The following RANBP17 variants were observed in gnomAD, a reference collection of about 807,000 sequenced individuals.
RANBP17 encodes the protein ran-binding protein 17.
In RANBP17, 158 loss-of-function variants were observed where a neutral mutation model predicts 141.2. That is an observed-to-expected ratio of 1.12 (90% CI 0.98 to 1.28). RANBP17 has a LOEUF of 1.28. Ranked by LOEUF, RANBP17 falls within the 50% of genes most tolerant of loss-of-function variation. RANBP17 has a pLI of 0.00. For synonymous variants in RANBP17, 430 were observed against 450.0 expected (o/e 0.96, Z 0.56); for missense variants, 1,438 against 1,290.7 (o/e 1.11, Z -1.75).
chr5:170,975,326 C>T (rs943190822), intron 14 of RANBP17, among the ~76,000 whole-genome samples: 13 of 151,984 alleles, frequency 8.6e-5, no homozygotes, highest in African/African-American at 1.9e-4. Context: ...GTCAGGAGTT[C>T]GAGACCAGCC....
At chr5:170,934,811 T>G (rs1314180993) in intron 12 of RANBP17, among the ~76,000 whole-genome samples, 1 of 152,196 alleles carries the variant, frequency 6.6e-6, no homozygotes, top group Non-Finnish European at 1.5e-5. Flanking sequence ...AGGAGTATCT[T>G]TGTGGCATTC....
At chr5:171,113,576 A>G (rs1755401638) in intron 14 of RANBP17, among the ~76,000 whole-genome samples, 2 of 152,208 alleles carry the variant, frequency 1.3e-5, no homozygotes, top group Non-Finnish European at 2.9e-5. Flanking sequence ...CCTCCAAGGT[A>G]GGTGCTATAA....
intron 18 of RANBP17, among the ~76,000 whole-genome samples, chr5:171,191,573 G>T (rs916942058): frequency 1.3e-5 from 2 of 151,992 alleles, no homozygotes; most frequent in Non-Finnish European, 2.9e-5. Context: ...TGTAGTCCCA[G>T]CTACTCGGGA....
intron 20 of RANBP17, among the ~76,000 whole-genome samples, chr5:171,211,558 G>A (rs533282087): frequency 9.3e-5 from 14 of 151,096 alleles, no homozygotes; most frequent in Admixed American, 2.6e-4. Context: ...CACCATGCCC[G>A]ACTTTCTTTG....
At chr5:170,985,324 C>T (rs1026391467) in intron 14 of RANBP17, among the ~76,000 whole-genome samples, 2 of 152,060 alleles carry the variant, frequency 1.3e-5, no homozygotes, top group East Asian at 1.9e-4. Flanking sequence ...TTAATAAATA[C>T]GTGTTGTTAA....
intron 12 of RANBP17, among the ~76,000 whole-genome samples, chr5:170,938,262 C>G (rs796790697): frequency 3.3e-5 from 5 of 152,260 alleles, no homozygotes; most frequent in African/African-American, 1.2e-4. Context: ...GTTGAACCCT[C>G]AAAAGGGTAT....
chr5:171,115,722 G>A (rs1006825862), intron 14 of RANBP17, among the ~76,000 whole-genome samples: 1 of 152,198 alleles, frequency 6.6e-6, no homozygotes, highest in Non-Finnish European at 1.5e-5. Flanking sequence ...TCACAGGAAA[G>A]GGGAAGTGGG....
chr5:171,252,927 A>T (rs2128005910), intron 24 of RANBP17: 1 of 1,469,124 alleles, frequency 6.8e-7, no homozygotes, highest in Non-Finnish European at 9.5e-7. Flanking sequence ...ACGGGCTGAC[A>T]TCAGATATCT....
chr5:171,119,959 C>T (rs952333275), intron 14 of RANBP17, among the ~76,000 whole-genome samples: 3 of 151,510 alleles, frequency 2.0e-5, no homozygotes, highest in African/African-American at 7.3e-5. Context: ...ATTGCTTGAA[C>T]CCAGGAGGTG....
At chr5:171,098,019 C>G (rs1436849030) in intron 14 of RANBP17, among the ~76,000 whole-genome samples, 1 of 152,048 alleles carries the variant, frequency 6.6e-6, no homozygotes, top group East Asian at 1.9e-4. Flanking sequence ...GCCACATTTG[C>G]TTTATCCAGT....
At chr5:170,877,130 T>G (rs1768247487) in intron 1 of RANBP17, among the ~76,000 whole-genome samples, 1 of 152,168 alleles carries the variant, frequency 6.6e-6, no homozygotes. Flanking sequence ...TTAGTCTTTA[T>G]GCTTGTAAAA....
chr5:170,970,741 T>G (rs2127533748), intron 14 of RANBP17: 1 of 152,270 alleles, frequency 6.6e-6, no homozygotes, highest in South Asian at 2.1e-4. Context: ...TGCCAACTAC[T>G]TATTGTTATC....
chr5:171,243,160 C>T (rs1340595983), intron 24 of RANBP17: 1 of 195,696 alleles, frequency 5.1e-6, no homozygotes, highest in East Asian at 1.5e-4. Flanking sequence ...CCACAAAAAG[C>T]TCCTTTTTTT....
chr5:171,015,937 T>C (rs959177063), intron 14 of RANBP17, among the ~76,000 whole-genome samples: 2 of 152,192 alleles, frequency 1.3e-5, no homozygotes, highest in Non-Finnish European at 2.9e-5. Context: ...TCTTTCCCTC[T>C]GTAACATTGG....
At chr5:170,900,691 C>A (rs1770561169) in intron 5 of RANBP17, among the ~76,000 whole-genome samples, 1 of 152,134 alleles carries the variant, frequency 6.6e-6, no homozygotes, top group African/African-American at 2.4e-5. Flanking sequence ...TTAGCTGTGT[C>A]CCAGAGATTC....
chr5:171,045,098 T>C (rs1211290188), intron 14 of RANBP17, among the ~76,000 whole-genome samples: 1 of 152,102 alleles, frequency 6.6e-6, no homozygotes, highest in Non-Finnish European at 1.5e-5. Flanking sequence ...TAAATGTGAT[T>C]TGTATTAGCT....
At chr5:171,043,597 C>T (rs1318465182) in intron 14 of RANBP17, among the ~76,000 whole-genome samples, 1 of 152,076 alleles carries the variant, frequency 6.6e-6, no homozygotes, top group Non-Finnish European at 1.5e-5. Flanking sequence ...ATATTTATTG[C>T]ATATAAAAGT....
intron 14 of RANBP17, among the ~76,000 whole-genome samples, chr5:171,147,573 G>A (rs1364521327): frequency 6.6e-6 from 1 of 151,686 alleles, no homozygotes; most frequent in Non-Finnish European, 1.5e-5. Context: ...CCGCCACCAA[G>A]CCCAGCTAAT....
chr5:170,872,352 C>T (rs1767816488), intron 1 of RANBP17, among the ~76,000 whole-genome samples: 1 of 151,936 alleles, frequency 6.6e-6, no homozygotes, highest in Admixed American at 6.6e-5. Flanking sequence ...GTGATTTTGC[C>T]CGTTGATTTT....
Sources: gnomAD v4.1 joint callset for allele counts (sites outside exome capture counted in the v4.1 genomes callset) on GRCh38, gnomAD v4.1.1 for gene constraint, MANE v1.5 for transcripts, NCBI Gene and HGNC (gene_info 2026-07-23, HGNC 2026-07-21) for gene names.